Variants in KCNH4 observed in about 807,000 individuals in gnomAD.
KCNH4 encodes voltage-gated delayed rectifier potassium channel KCNH4.
In KCNH4, 33 loss-of-function variants were observed where a neutral mutation model predicts 90.7. The observed-to-expected ratio is 0.36, with a 90% CI of 0.28 to 0.49. The LOEUF (loss-of-function observed/expected upper bound fraction) is 0.49. Ranked by LOEUF, KCNH4 falls within the 20% of genes least tolerant of loss-of-function variation. The pLI, the probability that KCNH4 is intolerant of heterozygous loss-of-function variation, is 0.98. For synonymous variants in KCNH4, 551 were observed against 581.7 expected, an observed-to-expected ratio of 0.95 and a Z score of 0.76; for missense variants, 1,044 against 1,387.1, an observed-to-expected ratio of 0.75 and a Z score of 3.93.
At position 42,163,888 on chromosome 17, in the gene KCNH4, G is replaced by A. The variant is rs760778339; in HGVS notation, c.2195C>T (p.Ala732Val). The A allele has an allele frequency of 1.7e-5, 26 of 1,541,986 alleles. No homozygotes were observed. The highest frequency in any genetic ancestry group is 9.7e-5 in the East Asian group (4 of 41,448). ...GGGCCTGGGACCACCCCCAGGCTCC[G>A]CGCCACTCTCGGCCTCTGTGATGGA... ...LPSITEAESGAEPGGGPRPRR... is the reference protein window; with the variant it reads ...LPSITEAESGVEPGGGPRPRR... Residue 732 changes from alanine (A) to valine (V), a missense_variant, in exon 13 of 17, where the codon GCG (alanine) becomes GTG (valine). Around this residue, in one of 4 missense-constraint regions of KCNH4, gnomAD observed 441 missense variants for 512.3 expected, o/e 0.86. Coordinates refer to ENST00000264661, the MANE Select transcript of KCNH4 (RefSeq NM_012285.3). The surrounding 1 kb of genome is among the most constrained non-coding windows in gnomAD (Gnocchi z 5.4).
chr17:42,173,251 G>C (rs1027387918), intron 6 of KCNH4, among the ~76,000 whole-genome samples: 7 of 151,804 alleles, frequency 4.6e-5, no homozygotes, highest in African/African-American at 1.7e-4. Context: ...TGGGCCTCCA[G>C]GAACATTCCC....
chr17:42,179,347 G>C (rs1306000580), intron 1 of KCNH4, among the ~76,000 whole-genome samples: 1 of 152,218 alleles, frequency 6.6e-6, no homozygotes, highest in East Asian at 1.9e-4. Context: ...GTGAGTAAGA[G>C]CCTGGGCTCC....
chr17:42,160,531 T>A, intron 15 of KCNH4, 96 bp from the exon 16 acceptor site: 1 of 1,296,334 alleles, frequency 7.7e-7, no homozygotes, highest in Non-Finnish European at 1.0e-6. Flanking sequence ...AGCCACTTTC[T>A]GCTCATGGCC....
rs2079862060 is a variant in KCNH4 at position 42,176,432 on chromosome 17, T to C, written c.586-135A>G. On this transcript the variant is annotated intron_variant, in intron 4 of 16. Coordinates refer to ENST00000264661, the MANE Select transcript of KCNH4 (RefSeq NM_012285.3). Reference sequence around the variant, plus strand: ...ACTTTTGACCATGAATGAAAGGAGATAGAAGGCCAGGAGAGGGGCGCAGAG... The same window carrying C: ...ACTTTTGACCATGAATGAAAGGAGACAGAAGGCCAGGAGAGGGGCGCAGAG... The C allele has an allele frequency of 2.2e-5, 15 of 684,010 alleles. No homozygotes were observed. In the South Asian group the frequency reaches 2.7e-4, roughly 12 times the overall value. 42.4% of individuals were successfully genotyped at this position (684,010 alleles called of 1,614,324 possible).
rs372729290 is a variant in KCNH4, at chr17:42,162,224, G to A, written c.2658+24C>T. ...TCTGAAATGCTGTTATATCAGGCAC[G>A]TCTCTGAGCCAGCCCCAACCCACCT... is the stretch of plus-strand genomic sequence containing the variant. On this transcript the variant is annotated intron_variant, in intron 15 of 16. Transcript: ENST00000264661. 44 of 1,609,600 alleles carry A rather than the reference G, an allele frequency of 2.7e-5. No individual in the cohort carries two copies. In the East Asian group the frequency reaches 3.6e-4, roughly 13 times the overall value.
chr17:42,165,354 A>G (rs770459907), intron 11 of KCNH4, 95 bp downstream of exon 11: 8 of 1,488,412 alleles, frequency 5.4e-6, no homozygotes, highest in Non-Finnish European at 7.4e-6. Flanking sequence ...ATGTGTTTTT[A>G]GGGTGGAGGG....
In KCNH4 at chr17:42,180,320, C is replaced by T. The variant is rs989720079; in HGVS notation, c.76+550G>A. Among the ~76,000 whole-genome samples, 2 of 152,094 alleles carry T rather than the reference C, an allele frequency of 1.3e-5. No individual in the cohort carries two copies. The highest frequency in any genetic ancestry group is 4.8e-5 in the African/African-American group (2 of 41,404). ...GGTGCTGAACCTGAAACCCAAGCTA[C>T]GTTGGGCGAGCTGGGAGTTCCCACC... On this transcript the variant is annotated intron_variant, in intron 1 of 16. Transcript: ENST00000264661. This position sits in a 1 kb window ranked among gnomAD's most constrained non-coding sequence, Gnocchi z 4.7.
In KCNH4 at chr17:42,175,959, AT is replaced by A. The variant is rs554989030; in HGVS notation, c.829+94del. 102 of 1,409,444 alleles carry A rather than the reference AT, an allele frequency of 7.2e-5. No individual in the cohort carries two copies. In the Admixed American group the frequency reaches 1.4e-3, roughly 19 times the overall value. 87.3% of individuals were successfully genotyped at this position (1,409,444 alleles called of 1,614,324 possible). A position where few individuals can be genotyped will look rare whatever the true frequency, so the allele number is the denominator to read the frequency against. On this transcript the variant is annotated intron_variant, in intron 5 of 16. Transcript: ENST00000264661. Reference sequence around the variant, plus strand: ...AGATGCAGAAAGGAAGGGGCTCTGAATGTCTGGGTCATGTGGGCCCCAGGAG... The same window carrying A: ...AGATGCAGAAAGGAAGGGGCTCTGAAGTCTGGGTCATGTGGGCCCCAGGAG...
intron 6 of KCNH4, 121 bp from the exon 7 acceptor site, chr17:42,172,116 A>G: frequency 2.7e-6 from 2 of 751,742 alleles, no homozygotes; most frequent in Non-Finnish European, 4.5e-6. Flanking sequence ...CAGGAAAGAC[A>G]TCTTTGCTGT....
intron 8 of KCNH4, 104 bp downstream of exon 8, chr17:42,170,003 G>C (rs1256467201): frequency 1.7e-6 from 2 of 1,205,986 alleles, no homozygotes; most frequent in African/African-American, 1.5e-5. Context: ...GTCTGGACTT[G>C]GGTAGACACC....
intron 16 of KCNH4, 21 bp from the exon 17 acceptor site, chr17:42,157,139 A>T (rs1598264110): frequency 6.6e-6 from 1 of 152,216 alleles, no homozygotes; most frequent in Non-Finnish European, 1.5e-5. Flanking sequence ...ACAGAAACAG[A>T]GATGTTGACA....
chr17:42,164,145 G>A lies in KCNH4; in HGVS notation c.2109C>T (p.Ser703=). 2 of 1,552,302 alleles carry A rather than the reference G, an allele frequency of 1.3e-6. No homozygotes were observed. Among genetic ancestry groups the A allele is most frequent in the South Asian group, 2.4e-5 (2 of 83,832 alleles). ...TGGGTGTTACCTGGGAGAGGCGAGG[G>A]GATCGGGAAAAGCGGCTGAGGCCCT... is the stretch of plus-strand genomic sequence containing the variant. ...DTSGLSRFSR[S]PRLSQPRSES... The change falls in exon 12 of 17, where the codon TCC becomes TCT. Residue 703 remains serine, a synonymous_variant. Coordinates refer to ENST00000264661, the MANE Select transcript of KCNH4 (RefSeq NM_012285.3).
intron 6 of KCNH4, among the ~76,000 whole-genome samples, chr17:42,172,336 G>A (rs891063683): frequency 6.6e-6 from 1 of 151,530 alleles, no homozygotes. Flanking sequence ...TCCCTCCCCA[G>A]CTAATTTTTG....
At chr17:42,161,741 G>T in intron 15 of KCNH4, among the ~76,000 whole-genome samples, 1 of 152,192 alleles carries the variant, frequency 6.6e-6, no homozygotes, top group East Asian at 1.9e-4. Context: ...GAAACCAACT[G>T]GTACGGAGTG....
rs869250233 is a variant in KCNH4, at chr17:42,176,509, C to CTTTTTTTTT, written c.586-221_586-213dup. Among the ~76,000 whole-genome samples the CTTTTTTTTT allele has an allele frequency of 3.5e-4, 24 of 68,458 alleles. 6 individuals carry two copies. Among genetic ancestry groups the CTTTTTTTTT allele is most frequent in the African/African-American group, 5.9e-4 (9 of 15,170 alleles). 44.9% of individuals were successfully genotyped at this position (68,458 alleles called of 152,430 possible). On this transcript the variant is annotated intron_variant, in intron 4 of 16. Transcript: ENST00000264661. Reference sequence around the variant, plus strand: ...GCCAAGTATTTCCCAGGCCCTCCTCCTTTTTTTTTTTTTTTTTTTTTTTTT... The same window carrying CTTTTTTTTT: ...GCCAAGTATTTCCCAGGCCCTCCTCCTTTTTTTTTTTTTTTTTTTTTTTTTTTTTTTTTT...
chr17:42,178,761 G>A, intron 2 of KCNH4, 32 bp downstream of exon 2: 1 of 1,571,898 alleles, frequency 6.4e-7, no homozygotes, highest in South Asian at 1.1e-5. Context: ...AGGGGTCTAG[G>A]CAGAGCTGCA....
chr17:42,157,558 T>G (rs1272454996), intron 16 of KCNH4, among the ~76,000 whole-genome samples: 2 of 152,188 alleles, frequency 1.3e-5, no homozygotes, highest in East Asian at 3.8e-4. Flanking sequence ...TGATTGCCAG[T>G]TATTGCCAGA....
At position 42,178,188 on chromosome 17, in the gene KCNH4, C is replaced by T. The variant is rs767650530; in HGVS notation, c.497G>A (p.Arg166Gln). 12 of 1,614,178 alleles carry T rather than the reference C, an allele frequency of 7.4e-6. No individual in the cohort carries two copies. In the East Asian group the frequency reaches 1.3e-4, roughly 18 times the overall value. ...AGTACGGCTCCGTCTTCTGGCAGAC[C>T]GAAATTTCCAGGTGGCTCCCCTTCT... ...LGRRGATWKF[R>Q]SARRRSRTVL... Residue 166 changes from arginine to glutamine, a missense_variant, in exon 4 of 17, where the codon CGG becomes CAG. Transcript: ENST00000264661.
intron 5 of KCNH4, 48 bp downstream of exon 5, chr17:42,176,006 G>A (rs2079857895): frequency 6.4e-7 from 1 of 1,554,852 alleles, no homozygotes; most frequent in African/African-American, 1.4e-5. Context: ...TTGGCCAAGT[G>A]GATCCCCCCA....
Sources: allele counts gnomAD v4.1 joint callset (sites outside exome capture counted in the v4.1 genomes callset), GRCh38; gene constraint gnomAD v4.1.1; regional missense constraint gnomAD v4.1.1; non-coding constraint Gnocchi (gnomAD v3.1); transcripts MANE v1.5; gene names NCBI Gene and HGNC (gene_info 2026-07-23, HGNC 2026-07-21).